The following PARD3B variants were observed in gnomAD, a reference collection of about 807,000 sequenced individuals.
PARD3B encodes the protein par-3 family cell polarity regulator beta.
In PARD3B, 103 loss-of-function variants were observed where a neutral mutation model predicts 130.2. The ratio of observed to expected loss-of-function variants is 0.79; its 90% CI spans 0.67 to 0.93. The LOEUF (loss-of-function observed/expected upper bound fraction) is 0.93. Ranked by LOEUF, PARD3B falls within the 40% of genes least tolerant of loss-of-function variation. PARD3B has a pLI of 0.00. For missense variants in PARD3B, 1,609 were observed against 1,499.2 expected (o/e 1.07, Z -1.21); for synonymous variants, 583 against 553.2 (o/e 1.05, Z -0.76).
In PARD3B at chr2:205,563,097, A is replaced by G. The variant is rs1450880211; in HGVS notation, c.3260+9694A>G. The stretch of plus-strand genomic sequence containing the variant: ...TTAGTGCCTCACCAAATGCATGAAT[A>G]CATGATATTATTCAACAGGAGTAAT... On this transcript the variant is annotated intron_variant, in intron 22 of 22. Coordinates refer to ENST00000406610, the MANE Select transcript of PARD3B (RefSeq NM_001302769.2). The surrounding 1 kb of genome is among the most constrained non-coding windows in gnomAD (Gnocchi z 4.2). 6.6e-6 allele frequency among the ~76,000 whole-genome samples: 1 copy of G among 152,238 alleles called. No homozygotes were observed. The highest frequency in any genetic ancestry group is 1.9e-4 in the East Asian group (1 of 5,202).
chr2:205,586,908 G>C (rs1413255725), intron 22 of PARD3B, among the ~76,000 whole-genome samples: 1 of 152,144 alleles, frequency 6.6e-6, no homozygotes, highest in Non-Finnish European at 1.5e-5. Flanking sequence ...TACCAAGTAT[G>C]TGGTGGGTGT....
chr2:205,594,706 T>G (rs980661045), intron 22 of PARD3B, among the ~76,000 whole-genome samples: 2 of 152,162 alleles, frequency 1.3e-5, no homozygotes, highest in African/African-American at 4.8e-5. Flanking sequence ...TGTCAGCAAC[T>G]GGCTGAAAAT....
At chr2:205,418,104 A>T (rs186211865) in intron 19 of PARD3B, among the ~76,000 whole-genome samples, 1 of 152,300 alleles carries the variant, frequency 6.6e-6, no homozygotes, top group East Asian at 1.9e-4. Flanking sequence ...AAAGCTTATA[A>T]GAAAAATGTG....
At chr2:204,946,930 C>T (rs992563226) in intron 2 of PARD3B, among the ~76,000 whole-genome samples, 60 of 152,300 alleles carry the variant, frequency 3.9e-4, no homozygotes, top group Admixed American at 3.3e-3. Context: ...AAATGTTCAG[C>T]TCATGCAGTC....
chr2:205,252,202 T>G (rs1391921175), intron 16 of PARD3B, among the ~76,000 whole-genome samples: 1 of 152,064 alleles, frequency 6.6e-6, no homozygotes, highest in Non-Finnish European at 1.5e-5. Flanking sequence ...CATGAGTAAA[T>G]AAAGAGACAA....
chr2:204,944,741 G>A (rs936183927), intron 2 of PARD3B, among the ~76,000 whole-genome samples: 4 of 152,070 alleles, frequency 2.6e-5, no homozygotes, highest in Admixed American at 6.5e-5. Flanking sequence ...TTTGGTTGCC[G>A]ACGGAGTGAT....
chr2:204,900,204 C>T (rs1223492617), intron 2 of PARD3B, among the ~76,000 whole-genome samples: 2 of 152,050 alleles, frequency 1.3e-5, no homozygotes. Context: ...ATTTTCTATC[C>T]CTATCTCTCT....
chr2:204,653,222 A>G (rs1399329942), intron 1 of PARD3B, among the ~76,000 whole-genome samples: 2 of 150,516 alleles, frequency 1.3e-5, no homozygotes, highest in African/African-American at 5.0e-5. Flanking sequence ...CCCCAATGAC[A>G]CCAATTTACC....
At chr2:204,821,625 A>G (rs140540544) in intron 2 of PARD3B, among the ~76,000 whole-genome samples, 3,487 of 152,070 alleles carry the variant, frequency 0.023, 60 homozygotes, top group Non-Finnish European at 0.038. Context: ...GCACACTAGC[A>G]TGGCACATGT....
intron 2 of PARD3B, among the ~76,000 whole-genome samples, chr2:204,908,397 A>G (rs573033177): frequency 6.6e-6 from 1 of 152,306 alleles, no homozygotes; most frequent in South Asian, 2.1e-4. Context: ...CCCAAATACC[A>G]CATTTATTTC....
chr2:204,582,176 G>T (rs1325649382), intron 1 of PARD3B, among the ~76,000 whole-genome samples: 7 of 152,066 alleles, frequency 4.6e-5, no homozygotes, highest in Non-Finnish European at 1.0e-4. Flanking sequence ...TTGCTTAAAC[G>T]TACAGCCCAC....
At chr2:204,765,451 C>G (rs938840763) in intron 2 of PARD3B, among the ~76,000 whole-genome samples, 5 of 152,174 alleles carry the variant, frequency 3.3e-5, no homozygotes, top group Admixed American at 3.3e-4. Context: ...TGATCTTAAC[C>G]TAGCCTCTTG....
intron 19 of PARD3B, among the ~76,000 whole-genome samples, chr2:205,406,688 T>A (rs6756746): frequency 8.0e-6 from 1 of 125,584 alleles, no homozygotes; most frequent in African/African-American, 3.9e-5. Context: ...TTTTTTTTTT[T>A]AAAGACAGAG....
At position 204,907,785 on chromosome 2, in the gene PARD3B, TCCGCCTCCCA is replaced by T. The variant is rs1450094053; in HGVS notation, c.223-57366_223-57357del. 2.4e-3 allele frequency among the ~76,000 whole-genome samples: 358 copies of T among 151,934 alleles called. 2 individuals are homozygous for T. The highest frequency in any genetic ancestry group is 8.2e-3 in the African/African-American group (339 of 41,484). On this transcript the variant is annotated intron_variant, in intron 2 of 22. Coordinates refer to ENST00000406610, the MANE Select transcript of PARD3B (RefSeq NM_001302769.2). The surrounding 1 kb of genome is among the most constrained non-coding windows in gnomAD (Gnocchi z 5.7). ...GTTGCAATCTTGGCTCACTGCAACC[TCCGCCTCCCA>T]GGGTCAAGCAATTCCCCTGCCTCCA...
intron 2 of PARD3B, among the ~76,000 whole-genome samples, chr2:204,848,054 T>G (rs1279090403): frequency 6.6e-6 from 1 of 152,190 alleles, no homozygotes; most frequent in Admixed American, 6.6e-5. Context: ...AATAAGATAT[T>G]TTGAGACCAC....
chr2:204,707,518 T>A (rs1024836854), intron 2 of PARD3B, among the ~76,000 whole-genome samples: 8 of 152,210 alleles, frequency 5.3e-5, no homozygotes, highest in African/African-American at 1.9e-4. Flanking sequence ...TGCCTAGATA[T>A]ATCTAGTAGA....
chr2:204,573,605 TA>T (rs2032108994), intron 1 of PARD3B, among the ~76,000 whole-genome samples: 1 of 152,210 alleles, frequency 6.6e-6, no homozygotes, highest in Admixed American at 6.5e-5. Flanking sequence ...TGGTAAGTAA[TA>T]AGCGACAGAT....
At chr2:205,035,467 A>T (rs1042103393) in intron 3 of PARD3B, among the ~76,000 whole-genome samples, 10 of 152,038 alleles carry the variant, frequency 6.6e-5, no homozygotes, top group Admixed American at 3.3e-4. Context: ...AATTGTATAG[A>T]TCTGGTGAGT....
intron 15 of PARD3B, among the ~76,000 whole-genome samples, chr2:205,193,921 G>C (rs963780958): frequency 6.6e-6 from 1 of 152,150 alleles, no homozygotes; most frequent in African/African-American, 2.4e-5. Context: ...ACCTCACTGA[G>C]GTTCTGAGCA....
Sources: gnomAD v4.1 joint callset for allele counts (sites outside exome capture counted in the v4.1 genomes callset) on GRCh38, gnomAD v4.1.1 for gene constraint, Gnocchi (gnomAD v3.1) non-coding constraint, MANE v1.5 for transcripts, NCBI Gene and HGNC (gene_info 2026-07-23, HGNC 2026-07-21) for gene names.